Variants in ZNF570 observed in about 807,000 individuals in gnomAD.
ZNF570 encodes the protein zinc finger protein 570.
ZNF570 carries 8 observed loss-of-function variants against 14.2 expected under a neutral mutation model. That is an observed-to-expected ratio of 0.56 (90% CI 0.33 to 1.02). The LOEUF is 1.02. Among genes scored for constraint, ZNF570 ranks in the 50% least tolerant of loss-of-function variants. The pLI is 0.03. For synonymous variants in ZNF570, 202 were observed against 207.6 expected (o/e 0.97, Z 0.23); for missense variants, 559 against 624.9 (o/e 0.89, Z 1.12).
intron 2 of ZNF570, among the ~76,000 whole-genome samples, chr19:37,474,750 C>T (rs2042005088): frequency 6.6e-6 from 1 of 151,916 alleles, no homozygotes; most frequent in Admixed American, 6.6e-5. Context: ...TGAGCCATCT[C>T]ACCCAGCCTA....
In ZNF570 at chr19:37,470,695, C is replaced by CTTTTT. The variant is rs760686313; in HGVS notation, c.33+328_33+332dup. Among the ~76,000 whole-genome samples the CTTTTT allele has an allele frequency of 7.1e-4, 66 of 92,980 alleles. 1 individual carries two copies. The highest frequency in any genetic ancestry group is 1.1e-3 in the African/African-American group (27 of 23,598). The allele number at this position is 92,980 out of a possible 152,430, so 61.0% of individuals were successfully genotyped here. A position where few individuals can be genotyped will look rare whatever the true frequency, so the allele number is the denominator to read the frequency against. ...TGTGGTGAGTACATTCTTATTTATTCTTTTTTTTTTTTTTTTTTTTTTTTG... is the reference window on the plus strand; with the variant it reads ...TGTGGTGAGTACATTCTTATTTATTCTTTTTTTTTTTTTTTTTTTTTTTTTTTTTG... On this transcript the variant is annotated intron_variant, in intron 2 of 4. Coordinates refer to ENST00000330173, the MANE Select transcript of ZNF570 (RefSeq NM_144694.5).
chr19:37,469,599 T>C (rs1222087172), intron 1 of ZNF570, 42 bp downstream of exon 1: 11 of 1,522,706 alleles, frequency 7.2e-6, no homozygotes, highest in African/African-American at 1.4e-5. Context: ...CGTGTGCCTG[T>C]CCACGTCCTG....
chr19:37,475,762 T>G, intron 2 of ZNF570, 119 bp from the exon 3 acceptor site: 1 of 1,009,354 alleles, frequency 9.9e-7, no homozygotes, highest in Non-Finnish European at 1.4e-6. Context: ...TGAGTACAAA[T>G]ATGATAACAT....
intron 1 of ZNF570, among the ~76,000 whole-genome samples, chr19:37,469,838 G>A (rs1481052305): frequency 4.6e-5 from 7 of 152,200 alleles, no homozygotes; most frequent in African/African-American, 1.4e-4. Context: ...ACTGTGGCGT[G>A]GGTAAGACGG....
At position 37,471,009 on chromosome 19, in the gene ZNF570, A is replaced by ATTTTTTTTT. The variant is rs764609936; in HGVS notation, c.33+634_33+642dup. Among the ~76,000 whole-genome samples, 556 of 84,364 alleles carry ATTTTTTTTT rather than the reference A, an allele frequency of 6.6e-3. 7 individuals carry two copies. The highest frequency in any genetic ancestry group is 0.011 in the South Asian group (22 of 2,086). 55.3% of individuals were successfully genotyped at this position (84,364 alleles called of 152,430 possible). ...GCTACCATGCCTGGCCAGTGAGTACATTTTTTTTTTTTTTTTTTTTGTTGA... is the reference window on the plus strand; with the variant it reads ...GCTACCATGCCTGGCCAGTGAGTACATTTTTTTTTTTTTTTTTTTTTTTTTTTTTGTTGA... On this transcript the variant is annotated intron_variant, in intron 2 of 4. Coordinates refer to ENST00000330173, the MANE Select transcript of ZNF570 (RefSeq NM_144694.5).
In ZNF570 at chr19:37,469,520, C is replaced by T. The variant is rs577223667; in HGVS notation, c.-89C>T. ...AGTGGCGTGTGGGTCTCCGGAAGCT[C>T]GTCGCAGGCCATCTGTGTGACTCCG... is the stretch of plus-strand genomic sequence containing the variant. On this transcript the variant is annotated 5_prime_UTR_variant, in exon 1 of 5. Coordinates refer to ENST00000330173, the MANE Select transcript of ZNF570 (RefSeq NM_144694.5). 180 of 1,536,420 alleles carry T rather than the reference C, an allele frequency of 1.2e-4. No individual in the cohort carries two copies. The African/African-American group carries it at 2.2e-3, about 19-fold the overall frequency.
rs1301518101 is a variant in ZNF570, at chr19:37,483,813, T to C, written c.257-66T>C. ...ATTCACATATTTTACTTTACAGATG[T>C]ACTTTATTAAATGTACTTTCTGATA... On this transcript the variant is annotated intron_variant, in intron 4 of 4. Transcript: ENST00000330173. 7 of 1,463,962 alleles carry C rather than the reference T, an allele frequency of 4.8e-6. No homozygotes were observed. In the Admixed American group the frequency reaches 1.6e-4, roughly 33 times the overall value. 90.7% of individuals were successfully genotyped at this position (1,463,962 alleles called of 1,614,324 possible). A position where few individuals can be genotyped will look rare whatever the true frequency, so the allele number is the denominator to read the frequency against.
chr19:37,476,284 G>A lies in ZNF570; in HGVS notation c.161-55G>A, dbSNP rs1289720568. The A allele has an allele frequency of 5.0e-6, 8 of 1,591,768 alleles. No homozygotes were observed. The East Asian group carries it at 1.3e-4, about 27-fold the overall frequency. On this transcript the variant is annotated intron_variant, in intron 3 of 4. Coordinates refer to ENST00000330173, the MANE Select transcript of ZNF570 (RefSeq NM_144694.5). ...CTGATGAGCTAAGGATTGAATGTGA[G>A]TTCTGGAATATCCACAGCATGACAA... is the stretch of plus-strand genomic sequence containing the variant.
intron 2 of ZNF570, among the ~76,000 whole-genome samples, chr19:37,473,438 G>C (rs568162381): frequency 6.6e-6 from 1 of 152,060 alleles, no homozygotes; most frequent in Non-Finnish European, 1.5e-5. Context: ...GGAAGTGAGG[G>C]TACTCGGGGA....
chr19:37,469,151 C>T (rs2041906780), upstream of ZNF570: 3 of 1,130,656 alleles, frequency 2.7e-6, no homozygotes, highest in Admixed American at 4.5e-5. Context: ...GACTTTCGGG[C>T]TCTCTGGAAG....
At chr19:37,477,531 G>A (rs1038346178) in intron 4 of ZNF570, among the ~76,000 whole-genome samples, 19 of 151,442 alleles carry the variant, frequency 1.3e-4, no homozygotes, top group African/African-American at 4.4e-4. Flanking sequence ...TAGTAGAGAC[G>A]AGGTTTCACC....
rs146212819 is a variant in ZNF570, at chr19:37,486,479, T to C, written c.*1246T>C. The C allele has an allele frequency of 1.3e-5, 2 of 152,354 alleles. No individual in the cohort carries two copies. Among genetic ancestry groups the C allele is most frequent in the East Asian group, 1.9e-4 (1 of 5,188 alleles). 9.4% of individuals were successfully genotyped at this position (152,354 alleles called of 1,614,324 possible). On this transcript the variant is annotated 3_prime_UTR_variant, in exon 5 of 5. Coordinates refer to ENST00000330173, the MANE Select transcript of ZNF570 (RefSeq NM_144694.5). Reference sequence around the variant, plus strand: ...AATACTTCATATAGTCTGTCAAATATAGCAGATATTCAATAAATGATAATA... The same window carrying C: ...AATACTTCATATAGTCTGTCAAATACAGCAGATATTCAATAAATGATAATA...
At position 37,485,379 on chromosome 19, in the gene ZNF570, C is replaced by G; in HGVS notation, c.*146C>G. 1 of 753,972 alleles carries G rather than the reference C, an allele frequency of 1.3e-6. No homozygotes were observed. The allele number at this position is 753,972 out of a possible 1,614,324, so 46.7% of individuals were successfully genotyped here. On this transcript the variant is annotated 3_prime_UTR_variant, in exon 5 of 5. Coordinates refer to ENST00000330173, the MANE Select transcript of ZNF570 (RefSeq NM_144694.5). The stretch of plus-strand genomic sequence containing the variant: ...ATTTTTGCTACCTTTAAATCCATTT[C>G]CCACAATGCACTCAAACGGATCTTT...
chr19:37,486,295 AT>A lies in ZNF570; in HGVS notation c.*1064del, dbSNP rs2042154753. The A allele has an allele frequency of 6.6e-6, 1 of 152,130 alleles. No individual in the cohort carries two copies. 9.4% of individuals were successfully genotyped at this position (152,130 alleles called of 1,614,324 possible). A position where few individuals can be genotyped will look rare whatever the true frequency, so the allele number is the denominator to read the frequency against. On this transcript the variant is annotated 3_prime_UTR_variant, in exon 5 of 5. Coordinates refer to ENST00000330173, the MANE Select transcript of ZNF570 (RefSeq NM_144694.5). ...ATCATAGCTCCAACACTACTATGGC[AT>A]TGCGTGACTTTGAGCAATTTGCTTA...
In ZNF570 at chr19:37,484,678, T is replaced by C. The variant is rs765457176; in HGVS notation, c.1056T>C (p.His352=). 7 of 1,613,906 alleles carry C rather than the reference T, an allele frequency of 4.3e-6. No individual in the cohort carries two copies. The African/African-American group carries it at 9.3e-5, about 22-fold the overall frequency. The stretch of plus-strand genomic sequence containing the variant: ...CCATTGCTCAACACCAGAGAGTTCA[T>C]ACAGGAGAGAAACCCTATGAATGTA... The part of the protein sequence containing the change: ...RSSIAQHQRV[H]TGEKPYECNV... The change falls in exon 5 of 5, where the codon CAT becomes CAC. Residue 352 remains histidine (H), a synonymous_variant. Transcript: ENST00000330173.
In ZNF570 at chr19:37,486,075, CAT is replaced by C. The variant is rs1400389442; in HGVS notation, c.*843_*844del. On this transcript the variant is annotated 3_prime_UTR_variant, in exon 5 of 5. Coordinates refer to ENST00000330173, the MANE Select transcript of ZNF570 (RefSeq NM_144694.5). The stretch of plus-strand genomic sequence containing the variant: ...AAAGAAAAGAAGAGAAAAGAAAACA[CAT>C]GTTACTATCTCCAGTTAAAACTTTT... 2 of 151,330 alleles carry C rather than the reference CAT, an allele frequency of 1.3e-5. No homozygotes were observed. The highest frequency in any genetic ancestry group is 2.4e-5 in the African/African-American group (1 of 41,162). The allele number at this position is 151,330 out of a possible 1,614,324, so 9.4% of individuals were successfully genotyped here.
intron 3 of ZNF570, 147 bp from the exon 4 acceptor site, chr19:37,476,192 T>G: frequency 3.2e-6 from 4 of 1,252,868 alleles, no homozygotes; most frequent in Non-Finnish European, 4.3e-6. Flanking sequence ...AAGCTTCATC[T>G]TCCTTATCCT....
Position 37,469,369 on chromosome 19 carries a change from C to G in ZNF570, c.-240C>G. 1 of 1,431,124 alleles carries G rather than the reference C, an allele frequency of 7.0e-7. No homozygotes were observed. The highest frequency in any genetic ancestry group is 1.5e-5 in the South Asian group (1 of 68,324). 88.7% of individuals were successfully genotyped at this position (1,431,124 alleles called of 1,614,324 possible). A position where few individuals can be genotyped will look rare whatever the true frequency, so the allele number is the denominator to read the frequency against. The stretch of plus-strand genomic sequence containing the variant: ...GGCAGCTGAGGCGCTTCTTTCCGGG[C>G]CCGTAAGGGCTGGGTTCCATCCAAC... On this transcript the variant is annotated 5_prime_UTR_variant, in exon 1 of 5. Coordinates refer to ENST00000330173, the MANE Select transcript of ZNF570 (RefSeq NM_144694.5).
rs1384150876 is a variant in ZNF570 at position 37,484,999 on chromosome 19, A to G, written c.1377A>G (p.Gln459=). 6.2e-7 allele frequency: 1 copy of G among 1,614,122 alleles called. No homozygotes were observed. Among genetic ancestry groups the G allele is most frequent in the Non-Finnish European group, 8.5e-7 (1 of 1,180,024 alleles). The change falls in exon 5 of 5, where the codon CAA becomes CAG. Residue 459 remains glutamine, a synonymous_variant. Coordinates refer to ENST00000330173, the MANE Select transcript of ZNF570 (RefSeq NM_144694.5). ...TTAGCAATGACTCGTCCCTTACTCA[A>G]CATCAGCGAGTTCATACTGGAGAGA... ...KAFSNDSSLT[Q]HQRVHTGEKP...
Sources: gnomAD v4.1 joint callset for allele counts (sites outside exome capture counted in the v4.1 genomes callset) on GRCh38, gnomAD v4.1.1 for gene constraint, MANE v1.5 for transcripts, NCBI Gene and HGNC (gene_info 2026-07-23, HGNC 2026-07-21) for gene names.